Variants in PRELID2 observed in about 807,000 individuals in gnomAD.
The protein encoded by PRELID2 is PRELI domain containing 2, also known as PRELI domain-containing protein 2.
Under a neutral mutation model 28.4 loss-of-function variants are expected in PRELID2, and 25 were observed. That is an observed-to-expected ratio of 0.88 (90% CI 0.64 to 1.23). The LOEUF is 1.23. Ranked by LOEUF, PRELID2 falls within the 50% of genes most tolerant of loss-of-function variation. PRELID2 has a pLI of 0.00. For synonymous variants in PRELID2, 76 were observed against 71.6 expected, an observed-to-expected ratio of 1.06 and a Z score of -0.31; for missense variants, 201 against 214.4, an observed-to-expected ratio of 0.94 and a Z score of 0.39.
intron 1 of PRELID2, among the ~76,000 whole-genome samples, chr5:145,499,456 G>A (rs916345670): frequency 2.0e-5 from 3 of 152,110 alleles, no homozygotes; most frequent in African/African-American, 7.2e-5. Context: ...CAGTAAAAAT[G>A]GGCAAATACT....
chr5:145,789,048 A>G (rs550398393), intron 5 of PRELID2, among the ~76,000 whole-genome samples: 5 of 152,328 alleles, frequency 3.3e-5, no homozygotes, highest in African/African-American at 1.2e-4. Flanking sequence ...TGAAAGAATT[A>G]ATATTGCTAA....
chr5:145,265,766 G>A, the PRELID2 span, among the ~76,000 whole-genome samples: 2 of 152,116 alleles, frequency 1.3e-5, no homozygotes, highest in Non-Finnish European at 2.9e-5. Context: ...ACATGTAGAA[G>A]AATGAAACTG....
chr5:145,802,644 T>TA (rs911318950), intron 4 of PRELID2, among the ~76,000 whole-genome samples: 3 of 152,136 alleles, frequency 2.0e-5, no homozygotes, highest in South Asian at 4.1e-4. Context: ...ATGAGCCACC[T>TA]AAAAAATCTG....
chr5:145,730,878 G>A (rs563486588), intron 1 of PRELID2, among the ~76,000 whole-genome samples: 2 of 151,834 alleles, frequency 1.3e-5, no homozygotes, highest in South Asian at 4.2e-4. Flanking sequence ...CCTCTGGCCG[G>A]AAAGATGCCT....
chr5:145,622,049 T>A (rs1753781444), intron 1 of PRELID2, among the ~76,000 whole-genome samples: 1 of 152,154 alleles, frequency 6.6e-6, no homozygotes, highest in Non-Finnish European at 1.5e-5. Flanking sequence ...AACATTACAC[T>A]AAGTGAAAGA....
chr5:145,248,471 C>T, the PRELID2 span, among the ~76,000 whole-genome samples: 1 of 152,054 alleles, frequency 6.6e-6, no homozygotes, highest in Non-Finnish European at 1.5e-5. Flanking sequence ...TATTGCTGCT[C>T]TAAGTTTATT....
chr5:145,739,491 C>G (rs547595469), intron 1 of PRELID2, among the ~76,000 whole-genome samples: 1 of 151,830 alleles, frequency 6.6e-6, no homozygotes, highest in Non-Finnish European at 1.5e-5. Context: ...GGCAACAGTG[C>G]GAGACTCCAC....
intron 1 of PRELID2, among the ~76,000 whole-genome samples, chr5:145,615,218 A>G (rs1261213188): frequency 6.6e-6 from 1 of 152,020 alleles, no homozygotes; most frequent in East Asian, 1.9e-4. Flanking sequence ...TGATGTAAGA[A>G]TAACTACCCC....
At chr5:145,443,694 C>T in the PRELID2 span, among the ~76,000 whole-genome samples, 244 of 152,154 alleles carry the variant, frequency 1.6e-3, 2 homozygotes, top group African/African-American at 5.6e-3. Flanking sequence ...AAAACAAATT[C>T]CCTCCTTTGA....
the PRELID2 span, among the ~76,000 whole-genome samples, chr5:145,352,816 A>T: frequency 6.6e-6 from 1 of 152,130 alleles, no homozygotes; most frequent in Non-Finnish European, 1.5e-5. Context: ...AGTTCCACAG[A>T]TCTCTAGTGA....
Position 145,818,072 on chromosome 5 carries a change from A to T in PRELID2, c.208-18T>A. On this transcript the variant is annotated intron_variant, in intron 3 of 6. Transcript: ENST00000683046. ...ATGCTCACCTGTCCAACAGAAAGAA[A>T]ATGGCTTTTTCAATTTAGGAAGAGC... The T allele has an allele frequency of 1.9e-6, 3 of 1,609,650 alleles. No homozygotes were observed. Among genetic ancestry groups the T allele is most frequent in the Non-Finnish European group, 2.5e-6 (3 of 1,177,978 alleles).
the PRELID2 span, among the ~76,000 whole-genome samples, chr5:145,359,619 G>A: frequency 6.6e-6 from 1 of 152,112 alleles, no homozygotes; most frequent in African/African-American, 2.4e-5. Context: ...CTCTACTATC[G>A]AAAGCCACTC....
At chr5:145,700,874 C>A (rs1301795473) in intron 1 of PRELID2, among the ~76,000 whole-genome samples, 1 of 152,192 alleles carries the variant, frequency 6.6e-6, no homozygotes, top group East Asian at 1.9e-4. Flanking sequence ...GGTGAGCAAG[C>A]CCCTCCATGG....
chr5:145,796,363 T>C, intron 5 of PRELID2, 79 bp downstream of exon 5: 1 of 811,828 alleles, frequency 1.2e-6, no homozygotes, highest in Non-Finnish European at 2.0e-6. Context: ...TGTCTGCTCA[T>C]GAGTCTTATT....
intron 1 of PRELID2, among the ~76,000 whole-genome samples, chr5:145,537,774 C>T (rs955340638): frequency 1.3e-5 from 2 of 151,796 alleles, no homozygotes; most frequent in East Asian, 1.9e-4. Flanking sequence ...AATATTTTCT[C>T]CCATTCTGCA....
At chr5:145,624,431 C>T (rs1304919433) in intron 1 of PRELID2, among the ~76,000 whole-genome samples, 3 of 152,118 alleles carry the variant, frequency 2.0e-5, no homozygotes, top group Non-Finnish European at 4.4e-5. Flanking sequence ...TCTATGGACC[C>T]CCAGTCACCA....
At chr5:145,338,149 G>A in the PRELID2 span, 1 of 152,104 alleles carries the variant, frequency 6.6e-6, no homozygotes, top group Non-Finnish European at 1.5e-5. Context: ...ACATGTTGCA[G>A]TCACTCTGTT....
At chr5:145,729,979 T>G (rs1253860467) in intron 1 of PRELID2, among the ~76,000 whole-genome samples, 1 of 152,112 alleles carries the variant, frequency 6.6e-6, no homozygotes, top group Non-Finnish European at 1.5e-5. Context: ...AGATTTACAG[T>G]TGTGATGGTT....
chr5:145,318,304 C>T, the PRELID2 span, among the ~76,000 whole-genome samples: 5 of 152,122 alleles, frequency 3.3e-5, no homozygotes, highest in Admixed American at 1.3e-4. Context: ...TGTCAGCCAC[C>T]CTTTTCCACA....
Sources: allele counts gnomAD v4.1 joint callset (sites outside exome capture counted in the v4.1 genomes callset), GRCh38; gene constraint gnomAD v4.1.1; transcripts MANE v1.5; gene names NCBI Gene and HGNC (gene_info 2026-07-23, HGNC 2026-07-21).